ZNF410: variants seen among roughly 807,000 people sequenced by gnomAD.
ZNF410 encodes another partner for ARF 1.
Under a neutral mutation model 54.8 loss-of-function variants are expected in ZNF410, and 18 were observed. The ratio of observed to expected loss-of-function variants is 0.33; its 90% confidence interval spans 0.23 to 0.49. The LOEUF is 0.49. ZNF410 is among the 20% of genes least tolerant of loss of function. ZNF410 has a pLI of 0.99. For synonymous variants in ZNF410, 191 were observed against 207.3 expected (o/e 0.92, Z 0.68); for missense variants, 405 against 569.6 (o/e 0.71, Z 2.94).
Position 73,909,321 on chromosome 14 carries a change from A to T in ZNF410, c.914-20A>T, listed in dbSNP as rs768876560. The T allele has an allele frequency of 6.9e-6, 11 of 1,603,440 alleles. No individual in the cohort carries two copies. The Admixed American group carries it at 1.2e-4, about 18-fold the overall frequency. ...CAGTTCATCAGAAGACTGAGTCTTT[A>T]TCTCATTTTCTGTCTCTAGGAGAGA... On this transcript the variant is annotated intron_variant, in intron 7 of 11. Transcript: ENST00000555044.
Position 73,912,311 on chromosome 14 carries a change from AG to A in ZNF410, c.1003+2883del, listed in dbSNP as rs1369945822. 2.3e-5 allele frequency among the ~76,000 whole-genome samples: 3 copies of A among 129,616 alleles called. No homozygotes were observed. The East Asian group carries it at 6.5e-4, about 28-fold the overall frequency. 85.0% of individuals were successfully genotyped at this position (129,616 alleles called of 152,430 possible). ...CAGCCACCCGAGTAGCTGGTATTAC[AG>A]GCGCGTGCCACCACGCCCGACTAAT... is the stretch of plus-strand genomic sequence containing the variant. On this transcript the variant is annotated intron_variant, in intron 8 of 11. Coordinates refer to ENST00000555044, the MANE Select transcript of ZNF410 (RefSeq NM_021188.3).
intron 1 of ZNF410, among the ~76,000 whole-genome samples, chr14:73,890,603 A>G (rs2055214162): frequency 6.6e-6 from 1 of 152,228 alleles, no homozygotes; most frequent in African/African-American, 2.4e-5. Context: ...TACATTTTAC[A>G]CTGTATGATT....
chr14:73,901,539 T>TC (rs1368172744), intron 5 of ZNF410, among the ~76,000 whole-genome samples: 1 of 152,088 alleles, frequency 6.6e-6, no homozygotes, highest in Non-Finnish European at 1.5e-5. Context: ...TTCTATGTAT[T>TC]CATTTTTCCT....
At chr14:73,920,926 TTCATTC>T in intron 8 of ZNF410, 48 bp from the exon 9 acceptor site, 1 of 1,608,196 alleles carries the variant, frequency 6.2e-7, no homozygotes, top group Non-Finnish European at 8.5e-7. Context: ...AGGTCTTGAG[TTCATTC>T]TCTTCCTGTC....
chr14:73,894,251 A>ACAT, intron 3 of ZNF410: 1 of 682,642 alleles, frequency 1.5e-6, no homozygotes, highest in Non-Finnish European at 2.7e-6. Context: ...AGTTGGATGA[A>ACAT]CATCAGCAGA....
At chr14:73,925,982 A>C (rs367567279) in intron 11 of ZNF410, among the ~76,000 whole-genome samples, 2 of 152,198 alleles carry the variant, frequency 1.3e-5, no homozygotes, top group East Asian at 3.8e-4. Flanking sequence ...TACAGTGAGC[A>C]GTGACTGTGC....
At chr14:73,896,158 C>G (rs2055314321) in intron 3 of ZNF410, 158 bp from the exon 4 acceptor site, 2 of 613,220 alleles carry the variant, frequency 3.3e-6, no homozygotes, top group African/African-American at 3.7e-5. Context: ...AGCCATCTCT[C>G]TGTTCTTCTG....
chr14:73,931,971 T>C lies in ZNF410; in HGVS notation c.*430T>C. 1 of 456,768 alleles carries C rather than the reference T, an allele frequency of 2.2e-6. No homozygotes were observed. Among genetic ancestry groups the C allele is most frequent in the South Asian group, 1.5e-5 (1 of 64,556 alleles). The allele number at this position is 456,768 out of a possible 1,614,324, so 28.3% of individuals were successfully genotyped here. On this transcript the variant is annotated 3_prime_UTR_variant, in exon 12 of 12. Transcript: ENST00000555044. ...AGAGCTTCACCAGGAAGTTGAGTTT[T>C]CAAGATGCCTTGTTGCTTTGAAGAA...
Position 73,892,215 on chromosome 14 carries a change from C to G in ZNF410, c.33+7C>G. ...GTTAGAATCCAAACCAGAGGTGAGC[C>G]CAGTCAGCTTGTTTCCTTTTCTTTT... On this transcript the variant is annotated splice_region_variant and intron_variant, in intron 2 of 11. Coordinates refer to ENST00000555044, the MANE Select transcript of ZNF410 (RefSeq NM_021188.3). 6.2e-7 allele frequency: 1 copy of G among 1,612,344 alleles called. No individual in the cohort carries two copies. Among genetic ancestry groups the G allele is most frequent in the Non-Finnish European group, 8.5e-7 (1 of 1,179,518 alleles).
At chr14:73,924,555 G>A (rs764749140) in intron 11 of ZNF410, 1 of 358,946 alleles carries the variant, frequency 2.8e-6, no homozygotes, top group Non-Finnish European at 5.4e-6. Context: ...TGTGTCATGG[G>A]AGTGGATGAC....
rs1392733612 is a variant in ZNF410 at position 73,931,831 on chromosome 14, G to T, written c.*290G>T. ...ATAGACCAAAAGTGAATTTGATTAT[G>T]TGTTGGCTGAAGTTCTTCATTCTGA... On this transcript the variant is annotated 3_prime_UTR_variant, in exon 12 of 12. Transcript: ENST00000555044. 1 of 449,734 alleles carries T rather than the reference G, an allele frequency of 2.2e-6. No homozygotes were observed. The highest frequency in any genetic ancestry group is 2.0e-5 in the African/African-American group (1 of 49,710). 27.9% of individuals were successfully genotyped at this position (449,734 alleles called of 1,614,324 possible).
chr14:73,893,991 A>G (rs1270855066), intron 3 of ZNF410, 59 bp downstream of exon 3: 7 of 1,543,798 alleles, frequency 4.5e-6, no homozygotes, highest in South Asian at 2.5e-5. Context: ...AGCCTACTCT[A>G]TGTTACTGGT....
chr14:73,901,823 A>G (rs2055411631), intron 5 of ZNF410, among the ~76,000 whole-genome samples: 1 of 151,250 alleles, frequency 6.6e-6, no homozygotes, highest in Admixed American at 6.6e-5. Flanking sequence ...AGTCCCAGCT[A>G]CTTGGGAGGC....
chr14:73,912,311 A>T (rs895044482), intron 8 of ZNF410, among the ~76,000 whole-genome samples: 4 of 129,690 alleles, frequency 3.1e-5, no homozygotes, highest in African/African-American at 1.4e-4. Flanking sequence ...CTGGTATTAC[A>T]GGCGCGTGCC....
chr14:73,904,120 T>C lies in ZNF410; in HGVS notation c.731+10T>C. On this transcript the variant is annotated intron_variant, in intron 6 of 11. Coordinates refer to ENST00000555044, the MANE Select transcript of ZNF410 (RefSeq NM_021188.3). ...ACCTCAAGACTCATCGGTGAGCAAA[T>C]CCGAGATCTCATATTTGGATATACG... 1 of 1,611,316 alleles carries C rather than the reference T, an allele frequency of 6.2e-7. No individual in the cohort carries two copies. The highest frequency in any genetic ancestry group is 2.2e-5 in the East Asian group (1 of 44,778).
chr14:73,919,206 G>A (rs1444484047), intron 8 of ZNF410, among the ~76,000 whole-genome samples: 2 of 150,208 alleles, frequency 1.3e-5, no homozygotes, highest in Non-Finnish European at 3.0e-5. Context: ...TATGTTGGCC[G>A]GGCTGGTCTT....
Position 73,892,119 on chromosome 14 carries a change from T to C in ZNF410, c.-57T>C, listed in dbSNP as rs1320112140. On this transcript the variant is annotated 5_prime_UTR_variant, in exon 2 of 12. Transcript: ENST00000555044. ...AACATAACAGGAAGGTATCATTGGC[T>C]CTGAATTAAATTTGAACTTGTCCCC... 2.5e-6 allele frequency: 4 copies of C among 1,575,772 alleles called. No homozygotes were observed. The highest frequency in any genetic ancestry group is 3.3e-5 in the Admixed American group (2 of 59,950).
intron 1 of ZNF410, among the ~76,000 whole-genome samples, chr14:73,889,902 T>G (rs2140290996): frequency 6.6e-6 from 1 of 151,098 alleles, no homozygotes; most frequent in East Asian, 2.0e-4. Flanking sequence ...GTCCAAGCGA[T>G]TCCCCTACCT....
At chr14:73,898,305 G>C (rs761505091) in intron 5 of ZNF410, 43 bp downstream of exon 5, 1 of 1,606,734 alleles carries the variant, frequency 6.2e-7, no homozygotes, top group Middle Eastern at 1.7e-4. Flanking sequence ...TCTGTGCAAA[G>C]AGATTTTGGT....
Sources: allele counts gnomAD v4.1 joint callset (sites outside exome capture counted in the v4.1 genomes callset), GRCh38; gene constraint gnomAD v4.1.1; transcripts MANE v1.5; gene names NCBI Gene and HGNC (gene_info 2026-07-23, HGNC 2026-07-21).